AGBL2: variants seen among roughly 807,000 people sequenced by gnomAD.
AGBL2 encodes cytosolic carboxypeptidase 2.
AGBL2 carries 87 observed loss-of-function variants against 103.0 expected under a neutral mutation model. That is an observed-to-expected ratio of 0.84 (90% confidence interval 0.71 to 1.01). AGBL2 has a LOEUF of 1.01. AGBL2 is among the 50% of genes least tolerant of loss of function. The probability of loss-of-function intolerance (pLI) is 0.00; values close to 1 mark genes in which losing one functional copy is unlikely to be tolerated. For missense variants in AGBL2, 904 were observed against 1,023.5 expected (o/e 0.88, Z 1.59); for synonymous variants, 335 against 356.7 (o/e 0.94, Z 0.69).
intron 2 of AGBL2, 123 bp from the exon 3 acceptor site, chr11:47,714,470 A>T (rs572812216): frequency 7.6e-7 from 1 of 1,319,902 alleles, no homozygotes; most frequent in African/African-American, 1.5e-5. Flanking sequence ...TTCCATGCGA[A>T]TTATTCTATC....
At chr11:47,673,736 G>A (rs547529791) in intron 14 of AGBL2, among the ~76,000 whole-genome samples, 89 of 146,476 alleles carry the variant, frequency 6.1e-4, no homozygotes, top group Admixed American at 1.1e-3. Context: ...GGAGGTTGCA[G>A]TGAGCTGAGA....
intron 17 of AGBL2, among the ~76,000 whole-genome samples, chr11:47,664,476 A>C (rs1281917332): frequency 6.7e-6 from 1 of 149,554 alleles, no homozygotes; most frequent in Non-Finnish European, 1.5e-5. Flanking sequence ...CAGTGGCGTG[A>C]TCTCGGCTCA....
Position 47,699,503 on chromosome 11 carries a change from T to C in AGBL2, c.637A>G (p.Lys213Glu). ...EYFYQPKGNE[K>E]VPEIVGEKKG... is the part of the protein sequence containing the mutation. The stretch of plus-strand genomic sequence containing the variant: ...TTCTCTCCTACAATCTCTGGTACCT[T>C]TTCATTTCCTTTAGGCTGATAGAAA... Residue 213 changes from lysine (K) to glutamate (E), a missense_variant, in exon 8 of 19, where the codon AAG becomes GAG. Coordinates refer to ENST00000525123, the MANE Select transcript of AGBL2 (RefSeq NM_024783.4). 6.2e-7 allele frequency: 1 copy of C among 1,610,704 alleles called. No homozygotes were observed. Among genetic ancestry groups the C allele is most frequent in the Non-Finnish European group, 8.5e-7 (1 of 1,178,312 alleles).
chr11:47,662,505 T>C (rs2097330808), intron 18 of AGBL2, among the ~76,000 whole-genome samples: 1 of 150,800 alleles, frequency 6.6e-6, no homozygotes, highest in Admixed American at 6.6e-5. Context: ...CTTTTTTTTT[T>C]TTTTTTAGAC....
At position 47,667,655 on chromosome 11, in the gene AGBL2, CTTCT is replaced by C; in HGVS notation, c.2252_2255del (p.Lys751SerfsTer18). On this transcript the variant is annotated frameshift_variant, in exon 16 of 19. Coordinates refer to ENST00000525123, the MANE Select transcript of AGBL2 (RefSeq NM_024783.4). LOFTEE classifies it high-confidence loss of function. ...TTCGCTGTTTCCTAGTCTGAAGTGA[CTTCT>C]TTTTTTTCTTCTTAAACATCTTCTT... 6.2e-7 allele frequency: 1 copy of C among 1,613,176 alleles called. No individual in the cohort carries two copies. The highest frequency in any genetic ancestry group is 8.5e-7 in the Non-Finnish European group (1 of 1,179,796).
chr11:47,680,200 C>T lies in AGBL2; in HGVS notation c.1916-127G>A, dbSNP rs1726322034. 3 of 560,284 alleles carry T rather than the reference C, an allele frequency of 5.4e-6. No homozygotes were observed. The South Asian group carries it at 6.1e-5, about 11-fold the overall frequency. 34.7% of individuals were successfully genotyped at this position (560,284 alleles called of 1,614,324 possible). A position where few individuals can be genotyped will look rare whatever the true frequency, so the allele number is the denominator to read the frequency against. On this transcript the variant is annotated intron_variant, in intron 12 of 18. Transcript: ENST00000525123. The stretch of plus-strand genomic sequence containing the variant: ...GGCGGGGTGGTTTACGCCTGTAATC[C>T]CAGCACTTTGGGAGGCCAAGGCAGG...
chr11:47,699,539 G>C lies in AGBL2; in HGVS notation c.601C>G (p.Gln201Glu). 1 of 1,601,798 alleles carries C rather than the reference G, an allele frequency of 6.2e-7. No homozygotes were observed. Among genetic ancestry groups the C allele is most frequent in the African/African-American group, 1.3e-5 (1 of 74,612 alleles). The change falls in exon 8 of 19, where the codon CAA becomes GAA. Residue 201 changes from glutamine (Q) to glutamate (E), a missense_variant. By Grantham distance (29) the Gln-to-Glu change is conservative. Transcript: ENST00000525123. Reference sequence around the variant, plus strand: ...TTAGGCTGATAGAAATATTCTGGTTGAGGTGGAGCCCACTCTGAAAGAAGA... The same window carrying C: ...TTAGGCTGATAGAAATATTCTGGTTCAGGTGGAGCCCACTCTGAAAGAAGA... ...NIHHIEWAPP[Q>E]PEYFYQPKGN...
At chr11:47,692,350 C>G in intron 8 of AGBL2, 94 bp from the exon 9 acceptor site, 1 of 725,632 alleles carries the variant, frequency 1.4e-6, no homozygotes, top group Non-Finnish European at 2.1e-6. Flanking sequence ...CAACACTATT[C>G]TAGACCAACA....
chr11:47,669,071 CT>C (rs1287552331), intron 14 of AGBL2, among the ~76,000 whole-genome samples, 164 bp from the exon 15 acceptor site: 1 of 151,908 alleles, frequency 6.6e-6, no homozygotes, highest in Non-Finnish European at 1.5e-5. Context: ...TATTTTCTTC[CT>C]TTTTTATATT....
chr11:47,688,247 C>T (rs1161740417), intron 10 of AGBL2, among the ~76,000 whole-genome samples: 1 of 152,096 alleles, frequency 6.6e-6, no homozygotes, highest in Non-Finnish European at 1.5e-5. Flanking sequence ...GCATGAGTCA[C>T]TGTGCCTGAC....
intron 4 of AGBL2, among the ~76,000 whole-genome samples, chr11:47,709,768 C>T (rs1174824556): frequency 6.6e-6 from 1 of 151,880 alleles, no homozygotes; most frequent in Non-Finnish European, 1.5e-5. Context: ...TTGTATGTTT[C>T]TGTAGAGACA....
chr11:47,682,619 AT>A (rs2097405623), intron 11 of AGBL2, among the ~76,000 whole-genome samples: 1 of 152,034 alleles, frequency 6.6e-6, no homozygotes, highest in Admixed American at 6.6e-5. Flanking sequence ...TACCCCCATA[AT>A]CTCTGCCTGG....
At chr11:47,672,667 G>A (rs1200943293) in intron 14 of AGBL2, among the ~76,000 whole-genome samples, 1 of 152,122 alleles carries the variant, frequency 6.6e-6, no homozygotes, top group Non-Finnish European at 1.5e-5. Context: ...AGAGGTCTTG[G>A]TGAGTTAGGC....
chr11:47,669,732 G>A (rs996408134), intron 14 of AGBL2, among the ~76,000 whole-genome samples: 7 of 151,518 alleles, frequency 4.6e-5, no homozygotes, highest in Non-Finnish European at 7.4e-5. Flanking sequence ...CTATGTCAAC[G>A]TCTCGAGTAG....
chr11:47,698,723 G>T (rs2097486532), intron 8 of AGBL2, among the ~76,000 whole-genome samples: 1 of 151,886 alleles, frequency 6.6e-6, no homozygotes, highest in Non-Finnish European at 1.5e-5. Flanking sequence ...GTCTACTTGT[G>T]ATTTCTTTAA....
chr11:47,712,459 A>C (rs4752862), intron 3 of AGBL2, among the ~76,000 whole-genome samples: 10 of 152,260 alleles, frequency 6.6e-5, no homozygotes, highest in African/African-American at 1.4e-4. Context: ...AGTATTATGA[A>C]AAACTATAAA....
At chr11:47,711,765 C>T (rs2097537006) in intron 3 of AGBL2, among the ~76,000 whole-genome samples, 1 of 152,086 alleles carries the variant, frequency 6.6e-6, no homozygotes, top group South Asian at 2.1e-4. Flanking sequence ...GAACTCCTGA[C>T]CTCAGGTGAT....
intron 13 of AGBL2, among the ~76,000 whole-genome samples, chr11:47,679,651 C>CTT (rs1177330827): frequency 2.8e-5 from 4 of 142,520 alleles, no homozygotes; most frequent in Non-Finnish European, 6.2e-5. Context: ...CATCACATTT[C>CTT]TTTTTTTTTT....
At chr11:47,669,761 G>C (rs1005948266) in intron 14 of AGBL2, among the ~76,000 whole-genome samples, 2 of 151,878 alleles carry the variant, frequency 1.3e-5, no homozygotes, top group East Asian at 3.9e-4. Flanking sequence ...ACAGGTGCCC[G>C]CCACCATGCC....
Sources: gnomAD v4.1 joint callset for allele counts (sites outside exome capture counted in the v4.1 genomes callset) on GRCh38, gnomAD v4.1.1 for gene constraint, MANE v1.5 for transcripts, NCBI Gene and HGNC (gene_info 2026-07-23, HGNC 2026-07-21) for gene names.